Variants in JAM2 observed in about 807,000 individuals in gnomAD.
JAM2 encodes junctional adhesion molecule B.
A neutral mutation model predicts 42.0 loss-of-function variants in JAM2; 17 were observed. The ratio of observed to expected loss-of-function variants is 0.40; its 90% CI spans 0.28 to 0.61. JAM2 has a LOEUF of 0.61. Among genes scored for constraint, JAM2 ranks in the 20% least tolerant of loss-of-function variants. The pLI is 0.37. For missense variants in JAM2, 319 were observed against 358.3 expected (o/e 0.89, Z 0.89); for synonymous variants, 118 against 128.6 (o/e 0.92, Z 0.56).
At position 25,639,785 on chromosome 21, in the gene JAM2, C is replaced by G; in HGVS notation, c.-37C>G. The G allele has an allele frequency of 2.0e-6, 3 of 1,500,984 alleles. No individual in the cohort carries two copies. The highest frequency in any genetic ancestry group is 2.7e-6 in the Non-Finnish European group (3 of 1,111,038). 93.0% of individuals were successfully genotyped at this position (1,500,984 alleles called of 1,614,324 possible). A position where few individuals can be genotyped will look rare whatever the true frequency, so the allele number is the denominator to read the frequency against. On this transcript the variant is annotated 5_prime_UTR_variant, in exon 1 of 10. Transcript: ENST00000480456. ...CCTGCGCTCCTGCCGCCGGGACCCTCGACCTCCTCAGAGCAGCCGGCTGCC... is the reference window on the plus strand; with the variant it reads ...CCTGCGCTCCTGCCGCCGGGACCCTGGACCTCCTCAGAGCAGCCGGCTGCC...
intron 7 of JAM2, among the ~76,000 whole-genome samples, chr21:25,708,178 C>A (rs2034309878): frequency 6.6e-6 from 1 of 152,214 alleles, no homozygotes; most frequent in African/African-American, 2.4e-5. Context: ...CAAAAATAAA[C>A]TTAAATATAA....
chr21:25,667,653 G>A (rs938429305), intron 1 of JAM2, among the ~76,000 whole-genome samples: 35 of 152,214 alleles, frequency 2.3e-4, no homozygotes, highest in African/African-American at 7.2e-4. Flanking sequence ...GTCTTGGAAC[G>A]TATCTCTCAT....
chr21:25,699,933 A>G (rs1200108694), intron 5 of JAM2, among the ~76,000 whole-genome samples: 1 of 152,026 alleles, frequency 6.6e-6, no homozygotes, highest in Non-Finnish European at 1.5e-5. Context: ...ACCATGTGAA[A>G]ATAGTAACTG....
intron 2 of JAM2, among the ~76,000 whole-genome samples, chr21:25,689,381 CT>C (rs1449577676): frequency 6.6e-6 from 1 of 152,170 alleles, no homozygotes; most frequent in African/African-American, 2.4e-5. Flanking sequence ...CAGTGCCTTT[CT>C]TGGGTACTAA....
intron 8 of JAM2, 99 bp from the exon 9 acceptor site, chr21:25,712,241 T>G: frequency 1.2e-6 from 1 of 822,436 alleles, no homozygotes; most frequent in Non-Finnish European, 2.1e-6. Context: ...ATGTTCTTGC[T>G]GAGAAAATGT....
rs73897034 is a variant in JAM2 at position 25,709,423 on chromosome 21, T to C, written c.806-11T>C. On this transcript the variant is annotated splice_polypyrimidine_tract_variant and intron_variant, in intron 7 of 9. Coordinates refer to ENST00000480456, the MANE Select transcript of JAM2 (RefSeq NM_021219.4). ...CCCTTGCATTAATGATATATACTTT[T>C]TCTTTTGTAGAAGAAACCTCCTTCC... The C allele has an allele frequency of 1.1e-3, 1,566 of 1,388,020 alleles. 19 individuals are homozygous for C. The African/African-American group carries it at 0.019, about 16-fold the overall frequency. 86.0% of individuals were successfully genotyped at this position (1,388,020 alleles called of 1,614,324 possible). A position where few individuals can be genotyped will look rare whatever the true frequency, so the allele number is the denominator to read the frequency against.
intron 9 of JAM2, chr21:25,714,170 G>T: frequency 3.1e-6 from 4 of 1,301,704 alleles, no homozygotes; most frequent in Non-Finnish European, 3.0e-6. Context: ...TGTCTGCTAG[G>T]AGTTAGTTAG....
intron 1 of JAM2, among the ~76,000 whole-genome samples, chr21:25,642,443 T>C (rs1038509827): frequency 2.6e-5 from 4 of 152,226 alleles, no homozygotes; most frequent in African/African-American, 9.6e-5. Flanking sequence ...TATTACATAT[T>C]CATCTTTTTA....
chr21:25,711,601 C>T (rs2034385064), intron 8 of JAM2: 3 of 312,616 alleles, frequency 9.6e-6, no homozygotes, highest in South Asian at 7.8e-5. Context: ...GGTTGAAGTT[C>T]AGATTATCAA....
At chr21:25,679,799 A>G (rs530265672) in intron 1 of JAM2, among the ~76,000 whole-genome samples, 2 of 152,228 alleles carry the variant, frequency 1.3e-5, no homozygotes, top group South Asian at 4.2e-4. Flanking sequence ...GAAACTTTCC[A>G]CCTGGAATCT....
intron 1 of JAM2, among the ~76,000 whole-genome samples, chr21:25,678,260 G>A (rs973252057): frequency 1.3e-5 from 2 of 152,010 alleles, no homozygotes; most frequent in Non-Finnish European, 2.9e-5. Context: ...ATAAAAGTAG[G>A]AGTAAAGCAA....
At chr21:25,704,111 G>A (rs1336350109) in intron 6 of JAM2, among the ~76,000 whole-genome samples, 1 of 151,200 alleles carries the variant, frequency 6.6e-6, no homozygotes, top group Non-Finnish European at 1.5e-5. Context: ...CTTCATAGAT[G>A]TCAGATTTAA....
chr21:25,641,571 A>G (rs1185864140), intron 1 of JAM2, among the ~76,000 whole-genome samples: 1 of 150,412 alleles, frequency 6.6e-6, no homozygotes, highest in East Asian at 1.9e-4. Flanking sequence ...TGGCATTGCA[A>G]GAGTGTTTTC....
At chr21:25,658,423 T>A (rs1284396194) in intron 1 of JAM2, among the ~76,000 whole-genome samples, 4 of 152,154 alleles carry the variant, frequency 2.6e-5, no homozygotes, top group Admixed American at 1.3e-4. Context: ...CCCCTGTATT[T>A]AAGTGGTAAA....
chr21:25,716,776 A>C lies in JAM2; in HGVS notation c.*2104A>C, dbSNP rs1189285302. ...TCATGGTGGTGAAGTACAGAAAAAA[A>C]CACCTGTCTACAAGCTTTTGTAAGA... On this transcript the variant is annotated 3_prime_UTR_variant, in exon 10 of 10. Transcript: ENST00000480456. 6.6e-6 allele frequency: 1 copy of C among 152,192 alleles called. No individual in the cohort carries two copies. Among genetic ancestry groups the C allele is most frequent in the Non-Finnish European group, 1.5e-5 (1 of 68,026 alleles). The allele number at this position is 152,192 out of a possible 1,614,324, so 9.4% of individuals were successfully genotyped here. A position where few individuals can be genotyped will look rare whatever the true frequency, so the allele number is the denominator to read the frequency against.
chr21:25,697,601 G>T (rs1215196931), intron 4 of JAM2, among the ~76,000 whole-genome samples: 1 of 152,036 alleles, frequency 6.6e-6, no homozygotes, highest in East Asian at 1.9e-4. Flanking sequence ...TACTGGGCCT[G>T]AAAAAAATAC....
intron 1 of JAM2, among the ~76,000 whole-genome samples, chr21:25,680,781 T>C (rs2033611510): frequency 6.6e-6 from 1 of 151,968 alleles, no homozygotes; most frequent in African/African-American, 2.4e-5. Context: ...GATGGATGGA[T>C]GGATGGATGG....
intron 1 of JAM2, among the ~76,000 whole-genome samples, chr21:25,657,021 C>T (rs746976178): frequency 1.9e-4 from 29 of 152,078 alleles, no homozygotes; most frequent in Non-Finnish European, 3.4e-4. Context: ...TGCAACACTT[C>T]TTTTATAGAG....
rs556871765 is a variant in JAM2, at chr21:25,706,037, C to T, written c.756C>T (p.Ser252=). ...TAGTAGTTGTGGCCTTAGTGATTTC[C>T]GTTTGTGGCCTTGGTGTATGCTATG... is the stretch of plus-strand genomic sequence containing the variant. ...AAVVVVALVI[S]VCGLGVCYAQ... Residue 252 remains serine, a synonymous_variant, in exon 7 of 10, where the codon TCC becomes TCT. Transcript: ENST00000480456. 45 of 1,613,886 alleles carry T rather than the reference C, an allele frequency of 2.8e-5. 1 individual carries two copies. Among genetic ancestry groups the T allele is most frequent in the Admixed American group, 2.2e-4 (13 of 60,020 alleles).
Sources: allele counts gnomAD v4.1 joint callset (sites outside exome capture counted in the v4.1 genomes callset), GRCh38; gene constraint gnomAD v4.1.1; transcripts MANE v1.5; gene names NCBI Gene and HGNC (gene_info 2026-07-23, HGNC 2026-07-21).